The following DISP3 variants were observed in gnomAD, a reference collection of about 807,000 sequenced individuals.
The protein encoded by DISP3 is protein dispatched homolog 3.
Under a neutral mutation model 135.3 loss-of-function variants are expected in DISP3, and 101 were observed. The ratio of observed to expected loss-of-function variants is 0.75; its 90% CI spans 0.64 to 0.88. DISP3 has a LOEUF of 0.88. DISP3 is among the 40% of genes least tolerant of loss of function. DISP3 has a pLI of 0.00. For missense variants in DISP3, 1,713 were observed against 1,878.6 expected (o/e 0.91, Z 1.63); for synonymous variants, 856 against 817.0 (o/e 1.05, Z -0.81).
Position 11,520,637 on chromosome 1 carries a change from A to G in DISP3, c.2201-50A>G. ...CCGGCACTTTGGAGCCCCACTGGGA[A>G]CAGACCAGCTGGGCCCAGCCCCGCC... On this transcript the variant is annotated intron_variant, in intron 9 of 20. Coordinates refer to ENST00000294484, the MANE Select transcript of DISP3 (RefSeq NM_020780.2). This position sits in a 1 kb window ranked among gnomAD's most constrained non-coding sequence, Gnocchi z 4.8. 6.3e-7 allele frequency: 1 copy of G among 1,585,282 alleles called. No individual in the cohort carries two copies. Among genetic ancestry groups the G allele is most frequent in the Non-Finnish European group, 8.6e-7 (1 of 1,161,808 alleles).
At position 11,491,602 on chromosome 1, in the gene DISP3, T is replaced by C. The variant is rs6669838; in HGVS notation, c.-3-9388T>C. Among the ~76,000 whole-genome samples the C allele has an allele frequency of 0.98, 148,898 of 151,940 alleles. 73,037 individuals are homozygous for C. The highest frequency in any genetic ancestry group is 1 in the Middle Eastern group (294 of 294). ...CTCCAGCCTGGGTGACAGAGTGAGA[T>C]CCCATCTCAAAACAAACAAACAAAA... is the stretch of plus-strand genomic sequence containing the variant. On this transcript the variant is annotated intron_variant, in intron 1 of 20. Coordinates refer to ENST00000294484, the MANE Select transcript of DISP3 (RefSeq NM_020780.2). The surrounding 1 kb of genome is among the most constrained non-coding windows in gnomAD (Gnocchi z 4.3).
chr1:11,510,480 G>C (rs183285623), intron 3 of DISP3, among the ~76,000 whole-genome samples: 2 of 151,948 alleles, frequency 1.3e-5, no homozygotes, highest in East Asian at 3.9e-4. Context: ...TGTTATTGTG[G>C]TTATGCATTT....
intron 1 of DISP3, among the ~76,000 whole-genome samples, chr1:11,500,322 G>T (rs1448342677): frequency 6.6e-6 from 1 of 152,266 alleles, no homozygotes; most frequent in Non-Finnish European, 1.5e-5. Context: ...CCAGCCGGGA[G>T]CAGGGAAATC....
rs1642116165 is a variant in DISP3 at position 11,519,567 on chromosome 1, G to T, written c.2038+64G>T. ...AGACCCAGCGCTGCCTCTGCCAGGG[G>T]AGTAACACTTGACAAGTTGGTCCTG... is the stretch of plus-strand genomic sequence containing the variant. On this transcript the variant is annotated intron_variant, in intron 8 of 20. Transcript: ENST00000294484. The surrounding 1 kb of genome is among the most constrained non-coding windows in gnomAD (Gnocchi z 4.3). The T allele has an allele frequency of 6.3e-7, 1 of 1,591,556 alleles. No homozygotes were observed. The highest frequency in any genetic ancestry group is 8.6e-7 in the Non-Finnish European group (1 of 1,166,844).
chr1:11,480,297 CAG>C lies in DISP3; in HGVS notation c.-4+927_-4+928del, dbSNP rs1640861538. Among the ~76,000 whole-genome samples the C allele has an allele frequency of 2.6e-5, 4 of 152,268 alleles. No individual in the cohort carries two copies. The South Asian group carries it at 8.3e-4, about 32-fold the overall frequency. On this transcript the variant is annotated intron_variant, in intron 1 of 20. Coordinates refer to ENST00000294484, the MANE Select transcript of DISP3 (RefSeq NM_020780.2). ...GCGCCTCGCGGCCGCCCTAGAAACT[CAG>C]AAGCCCGCGCACACCCACAGTCCAC...
chr1:11,493,262 G>C (rs954302050), intron 1 of DISP3, among the ~76,000 whole-genome samples: 3 of 152,202 alleles, frequency 2.0e-5, no homozygotes, highest in African/African-American at 4.8e-5. Flanking sequence ...AAGAAGAGCT[G>C]ATATTTCAGC....
chr1:11,479,751 C>A (rs1177881803), intron 1 of DISP3, among the ~76,000 whole-genome samples: 2 of 152,254 alleles, frequency 1.3e-5, no homozygotes, highest in East Asian at 3.9e-4. Context: ...GAGCGTCAGT[C>A]TGAAGCCGCC....
rs773824224 is a variant in DISP3, at chr1:11,526,842, G to A, written c.2798+7G>A. On this transcript the variant is annotated splice_region_variant and intron_variant, in intron 13 of 20. Transcript: ENST00000294484. ...AGGAGCAGCAGCACACCCGGTAACA[G>A]AGCCTGGCAGACAAGCCGGTGCCCA... 1 of 1,594,522 alleles carries A rather than the reference G, an allele frequency of 6.3e-7. No individual in the cohort carries two copies. Among genetic ancestry groups the A allele is most frequent in the Non-Finnish European group, 8.5e-7 (1 of 1,174,540 alleles).
At chr1:11,521,040 T>C (rs1455860849) in intron 10 of DISP3, among the ~76,000 whole-genome samples, 192 bp downstream of exon 10, 2 of 152,146 alleles carry the variant, frequency 1.3e-5, no homozygotes, top group African/African-American at 4.8e-5. Context: ...GTGCTGGCTC[T>C]GGGGAGGTAC....
intron 1 of DISP3, among the ~76,000 whole-genome samples, chr1:11,486,401 T>G (rs187407648): frequency 6.6e-6 from 1 of 152,230 alleles, no homozygotes; most frequent in Admixed American, 6.5e-5. Context: ...CCCCTTCCCT[T>G]CTTTAGCCGG....
chr1:11,536,196 C>A lies in DISP3; in HGVS notation c.3817-128C>A. On this transcript the variant is annotated intron_variant, in intron 20 of 20. Transcript: ENST00000294484. This position sits in a 1 kb window ranked among gnomAD's most constrained non-coding sequence, Gnocchi z 4.3. ...TTCCTACCCTCCCAACCCTGGGAGG[C>A]CACTTGCAGCTCTCATCCCAGTAAC... 7.3e-7 allele frequency: 1 copy of A among 1,362,596 alleles called. No individual in the cohort carries two copies. Among genetic ancestry groups the A allele is most frequent in the Non-Finnish European group, 9.7e-7 (1 of 1,030,676 alleles). 84.4% of individuals were successfully genotyped at this position (1,362,596 alleles called of 1,614,324 possible).
Position 11,520,544 on chromosome 1 carries a change from G to T in DISP3, c.2201-143G>T. Reference sequence around the variant, plus strand: ...CATCCCCAGCAAGCTTTGCCCACGGGCTGGCATGCAGGGCCTTCCCCCGCA... The same window carrying T: ...CATCCCCAGCAAGCTTTGCCCACGGTCTGGCATGCAGGGCCTTCCCCCGCA... On this transcript the variant is annotated intron_variant, in intron 9 of 20. Coordinates refer to ENST00000294484, the MANE Select transcript of DISP3 (RefSeq NM_020780.2). The surrounding 1 kb of genome is among the most constrained non-coding windows in gnomAD (Gnocchi z 4.8). The T allele has an allele frequency of 1.2e-6, 1 of 845,764 alleles. No individual in the cohort carries two copies. Among genetic ancestry groups the T allele is most frequent in the Non-Finnish European group, 1.8e-6 (1 of 557,742 alleles). The allele number at this position is 845,764 out of a possible 1,614,324, so 52.4% of individuals were successfully genotyped here.
At chr1:11,484,157 A>C (rs954879039) in intron 1 of DISP3, among the ~76,000 whole-genome samples, 15 of 152,202 alleles carry the variant, frequency 9.9e-5, no homozygotes, top group African/African-American at 3.4e-4. Flanking sequence ...GCAGTGTGCT[A>C]AATGCTTCCT....
chr1:11,501,718 C>T lies in DISP3; in HGVS notation c.726C>T (p.Val242=). 2 of 1,597,654 alleles carry T rather than the reference C, an allele frequency of 1.3e-6. No individual in the cohort carries two copies. The highest frequency in any genetic ancestry group is 1.7e-6 in the Non-Finnish European group (2 of 1,172,102). ...YQPSIPPHAA[V]AANQSRARRG... The stretch of plus-strand genomic sequence containing the variant: ...CCAGCATCCCGCCCCACGCGGCAGT[C>T]GCGGCCAATCAGAGCCGTGCCCGCC... The change falls in exon 2 of 21, where the codon GTC becomes GTT. Residue 242 remains valine (V), a synonymous_variant. Transcript: ENST00000294484. This position sits in a 1 kb window ranked among gnomAD's most constrained non-coding sequence, Gnocchi z 4.9.
rs141052083 is a variant in DISP3, at chr1:11,536,532, G to T, written c.4025G>T (p.Gly1342Val). Residue 1342 changes from glycine to valine, a missense_variant, in exon 21 of 21, where the codon GGC becomes GTC. By Grantham distance (109) the Gly-to-Val change is moderately radical. Coordinates refer to ENST00000294484, the MANE Select transcript of DISP3 (RefSeq NM_020780.2). The surrounding 1 kb of genome is among the most constrained non-coding windows in gnomAD (Gnocchi z 4.3). ...CTGACCGTCAGCACCGCCCTGCTGGGCATCATGGCGCCCAGCTCTTTCACT... is the reference window on the plus strand; with the variant it reads ...CTGACCGTCAGCACCGCCCTGCTGGTCATCATGGCGCCCAGCTCTTTCACT... ...YTLTVSTALLGIMAPSSFTRT... is the reference protein window; with the variant it reads ...YTLTVSTALLVIMAPSSFTRT... 1.2e-6 allele frequency: 2 copies of T among 1,612,882 alleles called. No individual in the cohort carries two copies. The highest frequency in any genetic ancestry group is 2.7e-5 in the African/African-American group (2 of 74,936).
At position 11,536,861 on chromosome 1, in the gene DISP3, T is replaced by A. The variant is rs1642719081; in HGVS notation, c.*175T>A. The A allele has an allele frequency of 1.1e-6, 1 of 946,430 alleles. No homozygotes were observed. The highest frequency in any genetic ancestry group is 1.5e-6 in the Non-Finnish European group (1 of 666,348). The allele number at this position is 946,430 out of a possible 1,614,324, so 58.6% of individuals were successfully genotyped here. A position where few individuals can be genotyped will look rare whatever the true frequency, so the allele number is the denominator to read the frequency against. ...TGTGGACCATGCTGCCTTGTGGAGC[T>A]GGGAGTTGGAGACAGCCGCCACCCC... On this transcript the variant is annotated 3_prime_UTR_variant, in exon 21 of 21. Transcript: ENST00000294484. This position sits in a 1 kb window ranked among gnomAD's most constrained non-coding sequence, Gnocchi z 4.3.
At chr1:11,489,730 G>A (rs768841514) in intron 1 of DISP3, among the ~76,000 whole-genome samples, 6 of 152,154 alleles carry the variant, frequency 3.9e-5, no homozygotes, top group Non-Finnish European at 8.8e-5. Context: ...TCACACAGGC[G>A]AGTGGCCAGG....
At chr1:11,522,603 C>CA (rs1642239263) in intron 10 of DISP3, among the ~76,000 whole-genome samples, 1 of 105,528 alleles carries the variant, frequency 9.5e-6, no homozygotes, top group Non-Finnish European at 2.2e-5. Context: ...AGGACCCAGC[C>CA]AGAGCCCAGC....
chr1:11,510,679 C>A (rs577349629), intron 3 of DISP3, among the ~76,000 whole-genome samples: 1 of 152,268 alleles, frequency 6.6e-6, no homozygotes, highest in African/African-American at 2.4e-5. Context: ...CTTCCTTTAA[C>A]ATCTCTTATA....
Sources: gnomAD v4.1 joint callset for allele counts (sites outside exome capture counted in the v4.1 genomes callset) on GRCh38, gnomAD v4.1.1 for gene constraint, Gnocchi (gnomAD v3.1) non-coding constraint, MANE v1.5 for transcripts, NCBI Gene and HGNC (gene_info 2026-07-23, HGNC 2026-07-21) for gene names.